MAP2: variants seen among roughly 807,000 people sequenced by gnomAD.
The protein encoded by MAP2 is microtubule-associated protein 2.
In MAP2, 14 loss-of-function variants were observed where a neutral mutation model predicts 137.6. The ratio of observed to expected loss-of-function variants is 0.10; its 90% confidence interval spans 0.07 to 0.16. The LOEUF (loss-of-function observed/expected upper bound fraction) is 0.16, where lower values mean the gene tolerates loss of function less well. Ranked by LOEUF, MAP2 falls within the 10% of genes least tolerant of loss-of-function variation. MAP2 has a pLI of 1.00. For missense variants in MAP2, 2,088 were observed against 2,191.5 expected (o/e 0.95, Z 0.94); for synonymous variants, 786 against 782.3 (o/e 1.00, Z -0.08).
chr2:209,639,346 A>G (rs1473606845), intron 4 of MAP2, among the ~76,000 whole-genome samples: 1 of 152,188 alleles, frequency 6.6e-6, no homozygotes, highest in Admixed American at 6.5e-5. Context: ...GTAATTCATG[A>G]AACAGTCTGT....
At chr2:209,654,488 A>G (rs944860287) in intron 5 of MAP2, among the ~76,000 whole-genome samples, 6 of 152,222 alleles carry the variant, frequency 3.9e-5, no homozygotes, top group East Asian at 1.9e-4. Context: ...CATGGTTACA[A>G]TGAGGATTAA....
rs111766365 is a variant in MAP2 at position 209,581,017 on chromosome 2, G to A, written c.-107+917G>A. On this transcript the variant is annotated intron_variant, in intron 3 of 15. Transcript: ENST00000682079. ...TATTTCCTCTCAAGACTGTCAGTCC[G>A]AAGCATTTTACACAATAAATTTAAT... is the stretch of plus-strand genomic sequence containing the variant. Among the ~76,000 whole-genome samples the A allele has an allele frequency of 9.2e-3, 1,403 of 152,134 alleles. 23 individuals are homozygous for A. The highest frequency in any genetic ancestry group is 0.031 in the African/African-American group (1,297 of 41,500).
chr2:209,464,946 G>A (rs1046095859), intron 1 of MAP2, among the ~76,000 whole-genome samples: 1 of 152,058 alleles, frequency 6.6e-6, no homozygotes, highest in Non-Finnish European at 1.5e-5. Flanking sequence ...ATAATTGTGT[G>A]TGTAAATATA....
intron 1 of MAP2, among the ~76,000 whole-genome samples, chr2:209,434,545 T>C (rs1231415609): frequency 6.6e-6 from 1 of 151,718 alleles, no homozygotes; most frequent in Non-Finnish European, 1.5e-5. Flanking sequence ...GTTACTGAAA[T>C]GTTAAAAATA....
intron 2 of MAP2, among the ~76,000 whole-genome samples, chr2:209,513,084 T>TA (rs750301721): frequency 2.6e-5 from 4 of 152,090 alleles, no homozygotes; most frequent in African/African-American, 7.2e-5. Context: ...GACTTGCACT[T>TA]AAAAAAAGTG....
chr2:209,429,253 ATTACT>A (rs1391013292), intron 1 of MAP2, among the ~76,000 whole-genome samples: 3 of 152,124 alleles, frequency 2.0e-5, no homozygotes, highest in Non-Finnish European at 4.4e-5. Flanking sequence ...GTGCCCGGCA[ATTACT>A]TTAAAGACAT....
intron 1 of MAP2, among the ~76,000 whole-genome samples, chr2:209,473,051 A>ACGC (rs900303305): frequency 1.3e-5 from 2 of 152,136 alleles, no homozygotes; most frequent in African/African-American, 4.8e-5. Context: ...CAGGAGCAGG[A>ACGC]CGCTACTCCT....
At chr2:209,547,893 T>C (rs1159044202) in intron 2 of MAP2, among the ~76,000 whole-genome samples, 1 of 152,204 alleles carries the variant, frequency 6.6e-6, no homozygotes, top group African/African-American at 2.4e-5. Context: ...ACATTTTTGA[T>C]GCTACAATAC....
At chr2:209,689,783 G>A (rs1329397453) in intron 7 of MAP2, among the ~76,000 whole-genome samples, 2 of 152,096 alleles carry the variant, frequency 1.3e-5, no homozygotes, top group African/African-American at 4.8e-5. Context: ...CTACATTACT[G>A]ATATTTCAGG....
chr2:209,624,257 A>G (rs947594263), intron 3 of MAP2, among the ~76,000 whole-genome samples: 3 of 152,160 alleles, frequency 2.0e-5, no homozygotes, highest in African/African-American at 7.2e-5. Context: ...AAAATCACAC[A>G]GGTCCTGACA....
At chr2:209,507,072 T>A (rs888097417) in intron 1 of MAP2, among the ~76,000 whole-genome samples, 2 of 152,058 alleles carry the variant, frequency 1.3e-5, no homozygotes, top group Non-Finnish European at 2.9e-5. Context: ...TTTTTATATT[T>A]CTGGGATCTC....
At chr2:209,593,634 A>AAAAAAAAATATAT (rs1286103137) in intron 3 of MAP2, among the ~76,000 whole-genome samples, 6 of 33,640 alleles carry the variant, frequency 1.8e-4, no homozygotes, top group South Asian at 1.3e-3. Flanking sequence ...AAAAAAAAAA[A>AAAAAAAAATATAT]ATATATATAT....
rs150832270 is a variant in MAP2 at position 209,482,112 on chromosome 2, C to G, written c.-221-25480C>G. 1.5e-3 allele frequency among the ~76,000 whole-genome samples: 224 copies of G among 152,262 alleles called. 2 individuals are homozygous for G. The highest frequency in any genetic ancestry group is 5.1e-3 in the African/African-American group (213 of 41,562). On this transcript the variant is annotated intron_variant, in intron 1 of 15. Coordinates refer to ENST00000682079, the MANE Select transcript of MAP2 (RefSeq NM_001375505.1). Reference sequence around the variant, plus strand: ...AAAATCTCAAAGACAGCAGTAGAATCAGTGTTGACACTTCACTATTCTTAC... The same window carrying G: ...AAAATCTCAAAGACAGCAGTAGAATGAGTGTTGACACTTCACTATTCTTAC...
At chr2:209,560,617 A>AC (rs2153346172) in intron 2 of MAP2, among the ~76,000 whole-genome samples, 1 of 151,484 alleles carries the variant, frequency 6.6e-6, no homozygotes, top group Non-Finnish European at 1.5e-5. Flanking sequence ...AAGTGCGGGG[A>AC]TTACAAACAT....
At chr2:209,480,042 A>G (rs1337735915) in intron 1 of MAP2, among the ~76,000 whole-genome samples, 1 of 152,132 alleles carries the variant, frequency 6.6e-6, no homozygotes, top group African/African-American at 2.4e-5. Flanking sequence ...CATTTTTCAC[A>G]ATTTTCCTCA....
chr2:209,504,902 AT>A (rs1247341967), intron 1 of MAP2, among the ~76,000 whole-genome samples: 2 of 152,068 alleles, frequency 1.3e-5, no homozygotes, highest in African/African-American at 4.8e-5. Flanking sequence ...TCTTATGTAC[AT>A]TCTATTTTAG....
chr2:209,669,957 G>A (rs1429518987), intron 5 of MAP2, among the ~76,000 whole-genome samples: 1 of 151,614 alleles, frequency 6.6e-6, no homozygotes, highest in African/African-American at 2.4e-5. Flanking sequence ...CATTCCTTTA[G>A]CAATGTGATG....
intron 1 of MAP2, among the ~76,000 whole-genome samples, chr2:209,448,857 G>A (rs2149462318): frequency 6.6e-6 from 1 of 152,248 alleles, no homozygotes; most frequent in African/African-American, 2.4e-5. Flanking sequence ...ACGTTCATGG[G>A]TTCTGGGAAT....
chr2:209,484,964 A>T (rs1330202412), intron 1 of MAP2, among the ~76,000 whole-genome samples: 1 of 152,204 alleles, frequency 6.6e-6, no homozygotes, highest in Non-Finnish European at 1.5e-5. Context: ...GCCGATAGAA[A>T]CGCGATAGCA....
Sources: gnomAD v4.1 joint callset for allele counts (sites outside exome capture counted in the v4.1 genomes callset) on GRCh38, gnomAD v4.1.1 for gene constraint, MANE v1.5 for transcripts, NCBI Gene and HGNC (gene_info 2026-07-23, HGNC 2026-07-21) for gene names.